FAN1: variants seen among roughly 807,000 people sequenced by gnomAD.
The protein encoded by FAN1 is fanconi-associated nuclease 1.
In FAN1, 91 loss-of-function variants were observed where a neutral mutation model predicts 104.9. That is an observed-to-expected ratio of 0.87 (90% CI 0.73 to 1.03). The LOEUF (loss-of-function observed/expected upper bound fraction) is 1.03, where lower values mean the gene tolerates loss of function less well. FAN1 is among the 50% of genes least tolerant of loss of function. FAN1 has a pLI of 0.00. For synonymous variants in FAN1, 478 were observed against 457.6 expected (o/e 1.04, Z -0.57); for missense variants, 1,263 against 1,239.9 (o/e 1.02, Z -0.28).
At chr15:30,915,363 A>G (rs1221551377) in intron 5 of FAN1, among the ~76,000 whole-genome samples, 1 of 152,184 alleles carries the variant, frequency 6.6e-6, no homozygotes, top group Non-Finnish European at 1.5e-5. Flanking sequence ...TAGAAGGAAT[A>G]AGTTCTGTTG....
At chr15:30,935,501 TAAC>T (rs528772483) in intron 13 of FAN1, among the ~76,000 whole-genome samples, 175 of 152,222 alleles carry the variant, frequency 1.1e-3, no homozygotes, top group African/African-American at 3.9e-3. Context: ...AAATACAGCA[TAAC>T]AACTATTTTC....
chr15:30,906,537 G>A (rs1278368977), intron 2 of FAN1: 7 of 456,462 alleles, frequency 1.5e-5, no homozygotes, highest in South Asian at 3.1e-5. Flanking sequence ...GTGTCTTTAC[G>A]GTGTTATTCA....
intron 10 of FAN1, chr15:30,927,460 AG>A (rs2062493775): frequency 2.0e-6 from 2 of 985,650 alleles, no homozygotes; most frequent in Non-Finnish European, 2.4e-6. Context: ...TAGAACTGAC[AG>A]GAAGACAGGA....
Position 30,904,532 on chromosome 15 carries a change from G to A in FAN1, c.-132G>A. Reference sequence around the variant, plus strand: ...TGTAGGAAGAAGAAATTGTCGAGACGAATAACATGAGGTCATATAGAATCC... The same window carrying A: ...TGTAGGAAGAAGAAATTGTCGAGACAAATAACATGAGGTCATATAGAATCC... On this transcript the variant is annotated 5_prime_UTR_variant, in exon 2 of 15. Coordinates refer to ENST00000362065, the MANE Select transcript of FAN1 (RefSeq NM_014967.5). 2.4e-6 allele frequency: 2 copies of A among 850,148 alleles called. No individual in the cohort carries two copies. Among genetic ancestry groups the A allele is most frequent in the South Asian group, 1.4e-5 (1 of 72,694 alleles). 52.7% of individuals were successfully genotyped at this position (850,148 alleles called of 1,614,324 possible).
intron 5 of FAN1, among the ~76,000 whole-genome samples, chr15:30,914,938 A>G (rs1036556625): frequency 1.3e-5 from 2 of 152,252 alleles, no homozygotes; most frequent in South Asian, 4.1e-4. Context: ...CATGTGATCC[A>G]GCAATCCCAC....
At chr15:30,911,109 A>G (rs749946459) in intron 4 of FAN1, 1 of 1,147,744 alleles carries the variant, frequency 8.7e-7, no homozygotes, top group Non-Finnish European at 1.1e-6. Flanking sequence ...AGTGATTCTT[A>G]TGGGATTTTA....
At chr15:30,906,653 TAAAAAA>T in intron 2 of FAN1, 1 of 382,294 alleles carries the variant, frequency 2.6e-6, no homozygotes, top group Non-Finnish European at 5.2e-6. Context: ...CCTCAGTAGA[TAAAAAA>T]GAGAAAAATC....
chr15:30,918,906 C>T (rs1392916746), intron 6 of FAN1, among the ~76,000 whole-genome samples: 2 of 152,066 alleles, frequency 1.3e-5, no homozygotes, highest in Non-Finnish European at 2.9e-5. Context: ...GGTACCGACC[C>T]CTCAGACAGT....
intron 4 of FAN1, among the ~76,000 whole-genome samples, chr15:30,913,141 A>G (rs2062132475): frequency 6.6e-6 from 1 of 152,212 alleles, no homozygotes; most frequent in African/African-American, 2.4e-5. Context: ...GCCAGAGAGC[A>G]TGACCGCCTG....
intron 10 of FAN1, chr15:30,927,875 T>A (rs2062504830): frequency 1.8e-5 from 18 of 985,572 alleles, no homozygotes; most frequent in Admixed American, 6.1e-5. Flanking sequence ...CCTCTGACTC[T>A]GTGACCTCAG....
chr15:30,911,034 A>T, intron 4 of FAN1: 1 of 1,262,170 alleles, frequency 7.9e-7, no homozygotes, highest in Non-Finnish European at 9.9e-7. Flanking sequence ...GACCAAGAAA[A>T]ATCGGAAGGC....
chr15:30,940,266 G>A, intron 14 of FAN1: 2 of 973,166 alleles, frequency 2.1e-6, no homozygotes, highest in Non-Finnish European at 2.4e-6. Context: ...TTGTCACACA[G>A]TTTGGAAATA....
chr15:30,905,722 C>T lies in FAN1; in HGVS notation c.1059C>T (p.His353=), dbSNP rs753910921. ...DDSCLNNDIP[H]SIPLEQGSSC... is the part of the protein sequence containing the mutation. ...GTTGCTTAAACAATGATATCCCTCA[C>T]AGCATTCCTTTGGAGCAGGGGTCAA... The change falls in exon 2 of 15, where the codon CAC becomes CAT. Residue 353 remains histidine (H), a synonymous_variant. Coordinates refer to ENST00000362065, the MANE Select transcript of FAN1 (RefSeq NM_014967.5). The T allele has an allele frequency of 2.7e-5, 44 of 1,614,166 alleles. No individual in the cohort carries two copies. The highest frequency in any genetic ancestry group is 3.7e-5 in the Non-Finnish European group (44 of 1,180,014).
rs569707008 is a variant in FAN1, at chr15:30,907,894, G to C, written c.1235-224G>C. ...TGGGTAGGGCTTTTCTGAGGGAGTAGAAATGTTGATGTCTAGAAAATGGGG... is the reference window on the plus strand; with the variant it reads ...TGGGTAGGGCTTTTCTGAGGGAGTACAAATGTTGATGTCTAGAAAATGGGG... On this transcript the variant is annotated intron_variant, in intron 2 of 14. Coordinates refer to ENST00000362065, the MANE Select transcript of FAN1 (RefSeq NM_014967.5). Among the ~76,000 whole-genome samples, 3 of 152,330 alleles carry C rather than the reference G, an allele frequency of 2.0e-5. No homozygotes were observed. In the South Asian group the frequency reaches 6.2e-4, roughly 32 times the overall value.
chr15:30,941,481 T>C, intron 14 of FAN1, 85 bp from the exon 15 acceptor site: 1 of 1,604,844 alleles, frequency 6.2e-7, no homozygotes, highest in South Asian at 1.1e-5. Context: ...TAGTCTTCAT[T>C]TGCTAATGTC....
intron 14 of FAN1, chr15:30,939,655 T>TTAAAA (rs3830609): frequency 0.83 from 764,270 of 917,536 alleles, 319,729 homozygotes; most frequent in East Asian, 0.98. Flanking sequence ...ACTACAAGAG[T>TTAAAA]TAAAATAAAC....
chr15:30,913,968 C>T lies in FAN1; in HGVS notation c.1688C>T (p.Ala563Val). 1 of 1,614,144 alleles carries T rather than the reference C, an allele frequency of 6.2e-7. No homozygotes were observed. Among genetic ancestry groups the T allele is most frequent in the African/African-American group, 1.3e-5 (1 of 75,040 alleles). Residue 563 changes from alanine to valine, a missense_variant, in exon 5 of 15, where the codon GCC becomes GTC. By Grantham distance (64) the Ala-to-Val change is moderately conservative. Around this residue, in one of 2 missense-constraint regions of FAN1, gnomAD observed 581 missense variants for 668.8 expected, o/e 0.87. Transcript: ENST00000362065. The stretch of plus-strand genomic sequence containing the variant: ...ACCGACTCAATGGAAGATGAAGACG[C>T]CGCTTGTGGAGGTCAGGGACAGCTT... ...SLTDSMEDEDAACGGQGQLST... is the reference protein window; with the variant it reads ...SLTDSMEDEDVACGGQGQLST...
rs369135677 is a variant in FAN1, at chr15:30,914,097, A to G, written c.1811+6A>G. The G allele has an allele frequency of 2.2e-4, 353 of 1,587,942 alleles. 3 individuals carry two copies. The East Asian group carries it at 5.5e-3, about 25-fold the overall frequency. ...GACAGAGATGATCTTATCAGGTAAGATGATGTTAGCTCACTATAATGTCTA... is the reference window on the plus strand; with the variant it reads ...GACAGAGATGATCTTATCAGGTAAGGTGATGTTAGCTCACTATAATGTCTA... On this transcript the variant is annotated splice_donor_region_variant and intron_variant, in intron 5 of 14. Transcript: ENST00000362065.
rs1472128385 is a variant in FAN1, at chr15:30,929,643, AATATATAAT to A, written c.2787+250_2787+258del. On this transcript the variant is annotated intron_variant, in intron 12 of 14. Transcript: ENST00000362065. ...ATATATTATATATTATACAATATAC[AATATATAAT>A]ATAATATATGAAATATATAATATAT... is the stretch of plus-strand genomic sequence containing the variant. Among the ~76,000 whole-genome samples the A allele has an allele frequency of 0.033, 2,507 of 76,620 alleles. 195 individuals carry two copies. The highest frequency in any genetic ancestry group is 0.1 in the African/African-American group (2,405 of 22,916). 50.3% of individuals were successfully genotyped at this position (76,620 alleles called of 152,430 possible).
Sources: allele counts gnomAD v4.1 joint callset (sites outside exome capture counted in the v4.1 genomes callset), GRCh38; gene constraint gnomAD v4.1.1; regional missense constraint gnomAD v4.1.1; transcripts MANE v1.5; gene names NCBI Gene and HGNC (gene_info 2026-07-23, HGNC 2026-07-21).